The following PLCXD1 variants were observed in gnomAD, a reference collection of about 807,000 sequenced individuals.
The protein encoded by PLCXD1 is phosphatidylinositol specific phospholipase C X domain containing 1.
In PLCXD1, 45 loss-of-function variants were observed where a neutral mutation model predicts 37.8. That is an observed-to-expected ratio of 1.19 (90% confidence interval 0.94 to 1.53). PLCXD1 has a LOEUF of 1.53. Ranked by LOEUF, PLCXD1 falls within the 40% of genes most tolerant of loss-of-function variation. The pLI is 0.00. For missense variants in PLCXD1, 539 were observed against 454.7 expected (o/e 1.19, Z -1.69); for synonymous variants, 246 against 206.9 (o/e 1.19, Z -1.62).
intron 1 of PLCXD1, chrX:283,801 C>T (rs958881721): frequency 3.9e-4 from 72 of 183,624 alleles, no homozygotes; most frequent in Non-Finnish European, 6.5e-4. Context: ...AGAGCCAGGG[C>T]TTTCACGCTA....
At chrX:285,634 C>T (rs2069429919) in intron 2 of PLCXD1, among the ~76,000 whole-genome samples, 1 of 152,062 alleles carries the variant, frequency 6.6e-6, no homozygotes, top group South Asian at 2.1e-4. Context: ...CATGCACATG[C>T]ACACGCGTGT....
chrX:279,806 T>G (rs760987096), upstream of PLCXD1, among the ~76,000 whole-genome samples: 105 of 151,848 alleles, frequency 6.9e-4, no homozygotes, highest in South Asian at 1.5e-3. Flanking sequence ...AAAAGAGTTA[T>G]TAGTAGAAAG....
At chrX:285,542 CACAG>C (rs1400225319) in intron 2 of PLCXD1, among the ~76,000 whole-genome samples, 11 of 84,610 alleles carry the variant, frequency 1.3e-4, no homozygotes, top group South Asian at 6.1e-4. Flanking sequence ...CATGCATGCA[CACAG>C]ACATACACAT....
intron 1 of PLCXD1, among the ~76,000 whole-genome samples, chrX:282,662 G>T (rs1259402140): frequency 1.4e-5 from 2 of 146,430 alleles, no homozygotes; most frequent in Admixed American, 1.4e-4. Flanking sequence ...CCGCGATCGC[G>T]CCATTGCAGT....
intron 6 of PLCXD1, among the ~76,000 whole-genome samples, chrX:294,587 G>A (rs946390827): frequency 6.6e-6 from 1 of 151,738 alleles, no homozygotes; most frequent in Non-Finnish European, 1.5e-5. Flanking sequence ...CCATGGTCGC[G>A]CCACTGCACT....
At chrX:293,731 A>AT (rs1294912637) in intron 6 of PLCXD1, among the ~76,000 whole-genome samples, 10 of 152,344 alleles carry the variant, frequency 6.6e-5, no homozygotes, top group African/African-American at 2.4e-4. Context: ...TGCAGCGGGC[A>AT]CAAACCTTAA....
In PLCXD1 at chrX:289,575, C is replaced by G. The variant is rs745714923; in HGVS notation, c.264+706C>G. 2.6e-3 allele frequency among the ~76,000 whole-genome samples: 369 copies of G among 144,332 alleles called. 3 individuals are homozygous for G. The highest frequency in any genetic ancestry group is 9.0e-3 in the African/African-American group (352 of 39,246). 94.7% of individuals were successfully genotyped at this position (144,332 alleles called of 152,430 possible). On this transcript the variant is annotated intron_variant, in intron 3 of 6. Transcript: ENST00000381657. ...GCCCAGGCTGGAGTGCAGTTGGTGC[C>G]ATCTCGGCTCACTGCAAGCTCCGCC...
rs1218085782 is a variant in PLCXD1, at chrX:288,720, G to T, written c.128-13G>T. The T allele has an allele frequency of 6.2e-7, 1 of 1,613,736 alleles. No individual in the cohort carries two copies. The highest frequency in any genetic ancestry group is 2.2e-5 in the East Asian group (1 of 44,876). ...CTCGTGGTGACATGTCCGCGTGTGT[G>T]CTTTGCTCTCAGGGAGCCACGACAC... On this transcript the variant is annotated splice_polypyrimidine_tract_variant and intron_variant, in intron 2 of 6. Transcript: ENST00000381657.
In PLCXD1 at chrX:293,106, C is replaced by T. The variant is rs148541814; in HGVS notation, c.621C>T (p.Ser207=). 2,664 of 1,612,086 alleles carry T rather than the reference C, an allele frequency of 1.7e-3. 5 individuals are homozygous for T. The highest frequency in any genetic ancestry group is 2.1e-3 in the Non-Finnish European group (2,440 of 1,179,558). The change falls in exon 6 of 7, where the codon TCC becomes TCT. Residue 207 remains serine (S), a synonymous_variant. Transcript: ENST00000381657. ...TCGTCTCCTATGAAGACGAGAGCTCCTTGCGCCGGCACCACGAGCTGTGGC... is the reference window on the plus strand; with the variant it reads ...TCGTCTCCTATGAAGACGAGAGCTCTTTGCGCCGGCACCACGAGCTGTGGC... ...QVIVSYEDES[S]LRRHHELWPG...
At chrX:286,607 G>C (rs1291603115) in intron 2 of PLCXD1, among the ~76,000 whole-genome samples, 3 of 152,062 alleles carry the variant, frequency 2.0e-5, no homozygotes, top group Non-Finnish European at 1.5e-5. Flanking sequence ...CACGTGAAGG[G>C]GTCGTGATAA....
intron 1 of PLCXD1, among the ~76,000 whole-genome samples, chrX:282,533 C>G (rs1223529380): frequency 1.3e-5 from 2 of 149,646 alleles, no homozygotes; most frequent in Non-Finnish European, 3.0e-5. Flanking sequence ...AGTGAAACCC[C>G]GTCTCTACCA....
rs189067099 is a variant in PLCXD1, at chrX:295,257, A to G, written c.733+2039A>G. ...CACCGACGGGGTGTGAGGTGCAGACAGCGTCGGCAGCCACGGCCCCGTGTC... is the reference window on the plus strand; with the variant it reads ...CACCGACGGGGTGTGAGGTGCAGACGGCGTCGGCAGCCACGGCCCCGTGTC... On this transcript the variant is annotated intron_variant, in intron 6 of 6. Transcript: ENST00000381657. Among the ~76,000 whole-genome samples the G allele has an allele frequency of 4.6e-3, 695 of 152,038 alleles. 3 individuals are homozygous for G. Among genetic ancestry groups the G allele is most frequent in the African/African-American group, 0.016 (646 of 41,490 alleles).
rs762160174 is a variant in PLCXD1 at position 299,379 on chromosome X, C to T, written c.*44C>T. ...CGGGACGCGGCGGCTGCAGTTTCAC[C>T]CCCGAATTTCCAAGTATTGTGACTT... On this transcript the variant is annotated 3_prime_UTR_variant, in exon 7 of 7. Transcript: ENST00000381657. The T allele has an allele frequency of 4.4e-6, 6 of 1,348,390 alleles. No individual in the cohort carries two copies. The highest frequency in any genetic ancestry group is 6.4e-6 in the Non-Finnish European group (6 of 938,106). The allele number at this position is 1,348,390 out of a possible 1,614,324, so 83.5% of individuals were successfully genotyped here. A position where few individuals can be genotyped will look rare whatever the true frequency, so the allele number is the denominator to read the frequency against.
rs571049127 is a variant in PLCXD1 at position 296,252 on chromosome X, C to T, written c.734-2845C>T. Among the ~76,000 whole-genome samples the T allele has an allele frequency of 2.8e-4, 42 of 152,274 alleles. No homozygotes were observed. The South Asian group carries it at 8.3e-3, about 30-fold the overall frequency. On this transcript the variant is annotated intron_variant, in intron 6 of 6. Transcript: ENST00000381657. The stretch of plus-strand genomic sequence containing the variant: ...TCTCCTGCCTCAGCCTCCCGAGTAG[C>T]TGGGATTACGGGCACGTACCACCAT...
intron 2 of PLCXD1, among the ~76,000 whole-genome samples, chrX:285,135 T>TAAAC (rs55867101): frequency 0.75 from 113,125 of 151,554 alleles, 42,496 homozygotes; most frequent in African/African-American, 0.84. Flanking sequence ...CGCACACACA[T>TAAAC]ACATGCATGC....
At chrX:287,823 G>T (rs1322282008) in intron 2 of PLCXD1, among the ~76,000 whole-genome samples, 1 of 151,330 alleles carries the variant, frequency 6.6e-6, no homozygotes, top group Non-Finnish European at 1.5e-5. Context: ...AAATGCAAAC[G>T]TCAGCCATCA....
upstream of PLCXD1, among the ~76,000 whole-genome samples, chrX:276,660 A>G (rs1001402336): frequency 1.3e-5 from 2 of 152,080 alleles, no homozygotes; most frequent in Non-Finnish European, 2.9e-5. Flanking sequence ...AGAGCCGCGG[A>G]GCCAGTGTGG....
Position 299,529 on chromosome X carries a change from G to T in PLCXD1, c.*194G>T. Reference sequence around the variant, plus strand: ...CTTCCCAGCACTTTGGGAGGCCGAGGTGGGTGGATCATGAGGTCAGGAGCT... The same window carrying T: ...CTTCCCAGCACTTTGGGAGGCCGAGTTGGGTGGATCATGAGGTCAGGAGCT... On this transcript the variant is annotated 3_prime_UTR_variant, in exon 7 of 7. Coordinates refer to ENST00000381657, the MANE Select transcript of PLCXD1 (RefSeq NM_018390.4). The T allele has an allele frequency of 1.6e-6, 1 of 609,784 alleles. No individual in the cohort carries two copies. Among genetic ancestry groups the T allele is most frequent in the Non-Finnish European group, 2.9e-6 (1 of 341,052 alleles). The allele number at this position is 609,784 out of a possible 1,614,324, so 37.8% of individuals were successfully genotyped here.
At chrX:285,156 A>G (rs1280149405) in intron 2 of PLCXD1, among the ~76,000 whole-genome samples, 2 of 151,670 alleles carry the variant, frequency 1.3e-5, no homozygotes, top group Non-Finnish European at 2.9e-5. Context: ...ACACATGCAC[A>G]TCCCCACACA....
Sources: gnomAD v4.1 joint callset for allele counts (sites outside exome capture counted in the v4.1 genomes callset) on GRCh38, gnomAD v4.1.1 for gene constraint, MANE v1.5 for transcripts, NCBI Gene and HGNC (gene_info 2026-07-23, HGNC 2026-07-21) for gene names.